Variants in SAE1 observed in about 807,000 individuals in gnomAD.
The protein encoded by SAE1 is SUMO1 activating enzyme subunit 1.
In SAE1, 11 loss-of-function variants were observed where a neutral mutation model predicts 40.6. That is an observed-to-expected ratio of 0.27 (90% confidence interval 0.17 to 0.45). SAE1 has a LOEUF of 0.45. Among genes scored for constraint, SAE1 ranks in the 20% least tolerant of loss-of-function variants. The probability of loss-of-function intolerance (pLI) is 1.00; values close to 1 mark genes in which losing one functional copy is unlikely to be tolerated. For missense variants in SAE1, 373 were observed against 427.3 expected, an observed-to-expected ratio of 0.87 and a Z score of 1.12; for synonymous variants, 155 against 154.3, an observed-to-expected ratio of 1.00 and a Z score of -0.03.
At chr19:47,143,824 T>C (rs753682041) in intron 2 of SAE1, among the ~76,000 whole-genome samples, 2 of 152,188 alleles carry the variant, frequency 1.3e-5, no homozygotes, top group Non-Finnish European at 2.9e-5. Context: ...CACCCCCTCA[T>C]TGAGCTTGCC....
chr19:47,183,920 A>G (rs1166471579), intron 6 of SAE1, among the ~76,000 whole-genome samples: 1 of 152,218 alleles, frequency 6.6e-6, no homozygotes, highest in Non-Finnish European at 1.5e-5. Context: ...GCTCTGTCAG[A>G]ACAGTTCTGT....
At chr19:47,183,361 T>TA (rs1452605863) in intron 6 of SAE1, among the ~76,000 whole-genome samples, 1 of 152,122 alleles carries the variant, frequency 6.6e-6, no homozygotes, top group African/African-American at 2.4e-5. Flanking sequence ...CAGTAAGTGT[T>TA]AGAGTCTAAA....
At chr19:47,152,783 T>G in intron 3 of SAE1, 115 bp from the exon 4 acceptor site, 1 of 1,013,532 alleles carries the variant, frequency 9.9e-7, no homozygotes, top group Non-Finnish European at 1.4e-6. Flanking sequence ...TGTACCAGTT[T>G]GAAACATGCT....
intron 1 of SAE1, among the ~76,000 whole-genome samples, chr19:47,135,258 A>G (rs927486400): frequency 8.5e-5 from 13 of 152,130 alleles, no homozygotes; most frequent in African/African-American, 2.9e-4. Context: ...GCTATCAAAT[A>G]CTGTATCTTA....
intron 6 of SAE1, among the ~76,000 whole-genome samples, chr19:47,174,875 A>G (rs999548214): frequency 2.5e-4 from 37 of 150,376 alleles, no homozygotes; most frequent in African/African-American, 8.1e-4. Flanking sequence ...GCCTGGCCAC[A>G]TTTTTGTATT....
intron 6 of SAE1, among the ~76,000 whole-genome samples, chr19:47,179,192 C>CA (rs1227213780): frequency 0.051 from 3,651 of 72,158 alleles, 46 homozygotes; most frequent in South Asian, 0.085. Flanking sequence ...GCTCTGTCTC[C>CA]AAAAAAAAAA....
At chr19:47,148,221 C>A (rs2058266182) in intron 2 of SAE1, among the ~76,000 whole-genome samples, 1 of 152,000 alleles carries the variant, frequency 6.6e-6, no homozygotes, top group Admixed American at 6.6e-5. Context: ...AGCTTCTCAG[C>A]ACATAATGAG....
intron 7 of SAE1, among the ~76,000 whole-genome samples, chr19:47,201,045 T>A (rs1405867463): frequency 2.6e-5 from 4 of 151,350 alleles, no homozygotes; most frequent in Admixed American, 6.6e-5. Context: ...TTTTTTATTT[T>A]TTTTATTTTT....
intron 8 of SAE1, 140 bp from the exon 9 acceptor site, chr19:47,209,019 C>T: frequency 1.5e-6 from 1 of 670,018 alleles, no homozygotes; most frequent in Non-Finnish European, 2.6e-6. Flanking sequence ...AAATTGTCTC[C>T]AGACATTGCC....
chr19:47,130,858 G>A lies in SAE1; in HGVS notation c.-73G>A. The A allele has an allele frequency of 6.5e-7, 1 of 1,543,410 alleles. No homozygotes were observed. Among genetic ancestry groups the A allele is most frequent in the South Asian group, 1.2e-5 (1 of 83,510 alleles). ...GCACTCCGGGCGTGCTGCCGGCGGC[G>A]GTAGGTGGCGCGCGGGTCCGGCGGG... On this transcript the variant is annotated 5_prime_UTR_variant, in exon 1 of 9. Transcript: ENST00000270225.
intron 1 of SAE1, among the ~76,000 whole-genome samples, chr19:47,141,383 C>T (rs1038036467): frequency 2.7e-5 from 4 of 149,570 alleles, no homozygotes; most frequent in African/African-American, 1.0e-4. Context: ...CTCAGGTGAT[C>T]CACCCATCTC....
At chr19:47,204,517 T>C (rs1005736351) in intron 8 of SAE1, among the ~76,000 whole-genome samples, 14 of 139,218 alleles carry the variant, frequency 1.0e-4, no homozygotes, top group Non-Finnish European at 2.2e-4. Context: ...CCCTTTTTTT[T>C]TTTTTTTGAG....
chr19:47,191,294 T>C lies in SAE1; in HGVS notation c.734-5939T>C, dbSNP rs113294745. Among the ~76,000 whole-genome samples, 1,074 of 152,012 alleles carry C rather than the reference T, an allele frequency of 7.1e-3. 11 individuals are homozygous for C. Among genetic ancestry groups the C allele is most frequent in the African/African-American group, 0.025 (1,038 of 41,464 alleles). On this transcript the variant is annotated intron_variant, in intron 6 of 8. Transcript: ENST00000270225. ...GGCGTGGTTGTGGGCGTCTCCAGCC[T>C]GGGTGACAGAGTGAGACTCCATCTC...
At chr19:47,205,320 C>CTTTTTTTTTTTTTTTTTTT (rs11291244) in intron 8 of SAE1, among the ~76,000 whole-genome samples, 1 of 129,244 alleles carries the variant, frequency 7.7e-6, no homozygotes, top group Non-Finnish European at 1.6e-5. Flanking sequence ...CCTAAGGCTA[C>CTTTTTTTTTTTTTTTTTTT]TTTTTTTTTT....
intron 2 of SAE1, among the ~76,000 whole-genome samples, chr19:47,147,187 G>A (rs1242696885): frequency 7.5e-6 from 1 of 134,150 alleles, no homozygotes; most frequent in Admixed American, 7.9e-5. Context: ...AATGATAATT[G>A]TATGTGTATG....
chr19:47,193,231 T>C (rs2058590907), intron 6 of SAE1, among the ~76,000 whole-genome samples: 1 of 151,768 alleles, frequency 6.6e-6, no homozygotes, highest in South Asian at 2.1e-4. Context: ...CTAATTTTTT[T>C]GGTATTTTTA....
chr19:47,169,942 A>G lies in SAE1; in HGVS notation c.733+19A>G, dbSNP rs576780835. The G allele has an allele frequency of 2.9e-5, 46 of 1,576,452 alleles. No homozygotes were observed. The highest frequency in any genetic ancestry group is 6.7e-5 in the East Asian group (3 of 44,668). Reference sequence around the variant, plus strand: ...CTTCAAGGTGAGGTCTCAAAGCACAACTTACCCCGGGAGAGCTTTTGGCTC... The same window carrying G: ...CTTCAAGGTGAGGTCTCAAAGCACAGCTTACCCCGGGAGAGCTTTTGGCTC... On this transcript the variant is annotated intron_variant, in intron 6 of 8. Coordinates refer to ENST00000270225, the MANE Select transcript of SAE1 (RefSeq NM_005500.3).
intron 1 of SAE1, chr19:47,142,600 C>T (rs2058228932): frequency 6.6e-6 from 1 of 152,154 alleles, no homozygotes; most frequent in South Asian, 2.1e-4. Flanking sequence ...ATCCAGAATC[C>T]TTCCATTGCA....
At chr19:47,147,995 C>T (rs1356348437) in intron 2 of SAE1, among the ~76,000 whole-genome samples, 2 of 151,806 alleles carry the variant, frequency 1.3e-5, no homozygotes, top group South Asian at 2.1e-4. Flanking sequence ...CTCCTGACCT[C>T]GTGATCTGCC....
Sources: allele counts gnomAD v4.1 joint callset (sites outside exome capture counted in the v4.1 genomes callset), GRCh38; gene constraint gnomAD v4.1.1; transcripts MANE v1.5; gene names NCBI Gene and HGNC (gene_info 2026-07-23, HGNC 2026-07-21).